Variants in LRPPRC observed in about 807,000 individuals in gnomAD.
LRPPRC encodes leucine rich pentatricopeptide repeat containing.
In LRPPRC, 120 loss-of-function variants were observed where a neutral mutation model predicts 180.3. The ratio of observed to expected loss-of-function variants is 0.67; its 90% CI spans 0.57 to 0.77. The LOEUF (loss-of-function observed/expected upper bound fraction) is 0.77. Among genes scored for constraint, LRPPRC ranks in the 30% least tolerant of loss-of-function variants. The pLI, the probability that LRPPRC is intolerant of heterozygous loss-of-function variation, is 0.00. For missense variants in LRPPRC, 2,012 were observed against 1,657.2 expected (o/e 1.21, Z -3.72); for synonymous variants, 723 against 600.0 (o/e 1.21, Z -3.00).
chr2:43,891,266 T>G (rs1670483072), intron 36 of LRPPRC, among the ~76,000 whole-genome samples: 1 of 152,240 alleles, frequency 6.6e-6, no homozygotes, highest in African/African-American at 2.4e-5. Context: ...CCAAAATGGA[T>G]TACCTAATTT....
intron 7 of LRPPRC, 86 bp from the exon 8 acceptor site, chr2:43,974,844 A>T: frequency 7.3e-7 from 1 of 1,375,140 alleles, no homozygotes; most frequent in Non-Finnish European, 1.0e-6. Flanking sequence ...AGATTCAAAA[A>T]ACTAGGGAAA....
chr2:43,953,693 T>A (rs185471593), intron 14 of LRPPRC, among the ~76,000 whole-genome samples: 1 of 152,184 alleles, frequency 6.6e-6, no homozygotes, highest in Non-Finnish European at 1.5e-5. Context: ...GATAAGGTAA[T>A]CCATTTTCGA....
chr2:43,972,355 CCTAA>C (rs1299417598), intron 11 of LRPPRC, among the ~76,000 whole-genome samples: 2 of 152,144 alleles, frequency 1.3e-5, no homozygotes, highest in Admixed American at 6.5e-5. Context: ...AAAGAAATTA[CCTAA>C]CTCTTTTATG....
intron 30 of LRPPRC, among the ~76,000 whole-genome samples, chr2:43,908,940 C>T (rs1247409894): frequency 2.6e-5 from 4 of 152,188 alleles, no homozygotes; most frequent in South Asian, 2.1e-4. Context: ...TAGGGCGGTA[C>T]CGCCACTTGC....
At position 43,974,168 on chromosome 2, in the gene LRPPRC, G is replaced by A. The variant is rs866757047; in HGVS notation, c.1137C>T (p.His379=). The change falls in exon 9 of 38, where the codon CAC becomes CAT. Residue 379 remains histidine (H), a synonymous_variant. Transcript: ENST00000260665. ...PSVFGSFFLQ[H]CVTMNTPVEK... ...AGAATACCGTATTCATAGTCACACA[G>A]TGTTGTAAAAAGAAACTGCCAAAGA... is the stretch of plus-strand genomic sequence containing the variant. 3.7e-6 allele frequency: 6 copies of A among 1,613,656 alleles called. No homozygotes were observed. The highest frequency in any genetic ancestry group is 2.2e-5 in the East Asian group (1 of 44,886).
Position 43,948,394 on chromosome 2 carries a change from C to T in LRPPRC, c.1842+18G>A. 1 of 1,534,766 alleles carries T rather than the reference C, an allele frequency of 6.5e-7. No individual in the cohort carries two copies. The highest frequency in any genetic ancestry group is 9.0e-7 in the Non-Finnish European group (1 of 1,107,978). On this transcript the variant is annotated intron_variant, in intron 17 of 37. Transcript: ENST00000260665. ...GTCAGGCAGGACAGGCATTATATAG[C>T]AAAAAACGAAATGGTACCATCTTCT... is the stretch of plus-strand genomic sequence containing the variant.
chr2:43,889,623 A>G, intron 37 of LRPPRC, 111 bp downstream of exon 37: 4 of 947,402 alleles, frequency 4.2e-6, no homozygotes, highest in South Asian at 2.7e-5. Flanking sequence ...GGCTCTTCAC[A>G]GAGATCTAAT....
intron 3 of LRPPRC, among the ~76,000 whole-genome samples, chr2:43,978,353 G>T (rs1674149576): frequency 6.6e-6 from 1 of 152,028 alleles, no homozygotes; most frequent in South Asian, 2.1e-4. Flanking sequence ...CTGTCAAACA[G>T]GAAAATAAAG....
intron 2 of LRPPRC, among the ~76,000 whole-genome samples, chr2:43,980,584 A>AAG (rs5830779): frequency 1.5e-4 from 20 of 132,798 alleles, no homozygotes; most frequent in South Asian, 1.2e-3. Flanking sequence ...GAAAGAAAGA[A>AAG]AGAGAGAGAG....
At chr2:43,949,197 T>G (rs1472537117) in intron 16 of LRPPRC, among the ~76,000 whole-genome samples, 2 of 152,148 alleles carry the variant, frequency 1.3e-5, no homozygotes, top group African/African-American at 4.8e-5. Context: ...AATCATTAAA[T>G]GTCAAAACAA....
intron 11 of LRPPRC, among the ~76,000 whole-genome samples, chr2:43,972,105 T>C (rs911969396): frequency 2.6e-5 from 4 of 152,172 alleles, no homozygotes; most frequent in East Asian, 1.9e-4. Flanking sequence ...GGAAGGGTTA[T>C]AGTATAAAAA....
chr2:43,909,339 C>T (rs1200930983), intron 30 of LRPPRC, among the ~76,000 whole-genome samples: 1 of 146,770 alleles, frequency 6.8e-6, no homozygotes, highest in Non-Finnish European at 1.5e-5. Flanking sequence ...CGGAGGAAGG[C>T]AACTCCCAAA....
chr2:43,948,640 G>A (rs1295684917), intron 16 of LRPPRC, 122 bp from the exon 17 acceptor site: 5 of 697,340 alleles, frequency 7.2e-6, no homozygotes, highest in Non-Finnish European at 1.3e-5. Context: ...CTCTGAAATG[G>A]CAACAATGAT....
At chr2:43,912,290 T>G (rs1671289940) in intron 30 of LRPPRC, 142 bp downstream of exon 30, 2 of 720,354 alleles carry the variant, frequency 2.8e-6, no homozygotes, top group East Asian at 5.2e-5. Flanking sequence ...TAAAGTTAGT[T>G]AACCATTTCA....
At chr2:43,976,275 C>T (rs1195152798) in intron 5 of LRPPRC, 46 bp from the exon 6 acceptor site, 1 of 1,021,786 alleles carries the variant, frequency 9.8e-7, no homozygotes, top group African/African-American at 1.6e-5. Context: ...TTTATAAGAA[C>T]ACTCTTTACA....
chr2:43,943,658 A>T (rs561630174), intron 23 of LRPPRC, 29 bp downstream of exon 23: 1 of 1,564,702 alleles, frequency 6.4e-7, no homozygotes, highest in South Asian at 1.1e-5. Flanking sequence ...TAATGCCAAC[A>T]TTTAAAATTC....
intron 24 of LRPPRC, 104 bp downstream of exon 24, chr2:43,934,650 T>C (rs1293132842): frequency 6.4e-6 from 6 of 941,838 alleles, no homozygotes; most frequent in Non-Finnish European, 9.9e-6. Flanking sequence ...AGAAAGTTTA[T>C]CTGAATGTGC....
chr2:43,949,331 T>C (rs1319560457), intron 16 of LRPPRC, among the ~76,000 whole-genome samples: 1 of 152,194 alleles, frequency 6.6e-6, no homozygotes, highest in Non-Finnish European at 1.5e-5. Context: ...ATCACTGATT[T>C]TTAAGCCTAT....
chr2:43,971,817 G>A (rs1457305689), intron 11 of LRPPRC, among the ~76,000 whole-genome samples: 2 of 152,022 alleles, frequency 1.3e-5, no homozygotes, highest in Admixed American at 1.3e-4. Context: ...TTATATAAAA[G>A]AAGACTGTAG....
Sources: allele counts gnomAD v4.1 joint callset (sites outside exome capture counted in the v4.1 genomes callset), GRCh38; gene constraint gnomAD v4.1.1; transcripts MANE v1.5; gene names NCBI Gene and HGNC (gene_info 2026-07-23, HGNC 2026-07-21).